ABCA8: variants seen among roughly 807,000 people sequenced by gnomAD.
ABCA8 encodes ATP binding cassette subfamily A member 8.
A neutral mutation model predicts 192.3 loss-of-function variants in ABCA8; 177 were observed. The observed-to-expected ratio is 0.92, with a 90% confidence interval of 0.81 to 1.04. The LOEUF (loss-of-function observed/expected upper bound fraction) is 1.04. ABCA8 is among the 50% of genes least tolerant of loss of function. ABCA8 has a pLI of 0.00. For missense variants in ABCA8, 1,915 were observed against 1,904.8 expected, an observed-to-expected ratio of 1.01 and a Z score of -0.10; for synonymous variants, 642 against 690.2, an observed-to-expected ratio of 0.93 and a Z score of 1.09.
At chr17:68,927,471 T>C (rs2067732154) in intron 10 of ABCA8, among the ~76,000 whole-genome samples, 1 of 152,180 alleles carries the variant, frequency 6.6e-6, no homozygotes, top group Non-Finnish European at 1.5e-5. Context: ...CGTAGATGCA[T>C]TGATTAATTA....
At chr17:68,904,530 A>G (rs1204522497) in intron 19 of ABCA8, among the ~76,000 whole-genome samples, 1 of 152,076 alleles carries the variant, frequency 6.6e-6, no homozygotes, top group Non-Finnish European at 1.5e-5. Context: ...ATCTTTAGGG[A>G]CATGGCAGAA....
In ABCA8 at chr17:68,903,547, T is replaced by C. The variant is rs778480927; in HGVS notation, c.2399-48A>G. 1.0e-5 allele frequency: 16 copies of C among 1,571,832 alleles called. No homozygotes were observed. In the African/African-American group the frequency reaches 1.9e-4, roughly 19 times the overall value. ...CTCATATGTACTTTATTGAGCTTAC[T>C]ATAGAGATTGGCTCTGCTAAGCATC... On this transcript the variant is annotated intron_variant, in intron 19 of 39. Transcript: ENST00000586539.
In ABCA8 at chr17:68,894,294, A is replaced by G; in HGVS notation, c.2915T>C (p.Leu972Ser). 6.2e-7 allele frequency: 1 copy of G among 1,608,850 alleles called. No individual in the cohort carries two copies. The highest frequency in any genetic ancestry group is 8.5e-7 in the Non-Finnish European group (1 of 1,178,698). The change falls in exon 23 of 40, where the codon TTA (leucine) becomes TCA (serine). Residue 972 changes from leucine to serine, a missense_variant. By Grantham distance (145) the Leu-to-Ser change is moderately radical (BLOSUM62 -2). Transcript: ENST00000586539. ...ATTCAATCTTTTGGCATTGCATGCT[A>G]ACGAAAAGCTGTAATTCTAAAATAT... ...CCNEKNYSFS[L>S]ACNAKRLNCF...
chr17:68,872,729 C>G (rs1030564244), intron 37 of ABCA8, among the ~76,000 whole-genome samples: 6 of 151,988 alleles, frequency 3.9e-5, no homozygotes, highest in Non-Finnish European at 7.4e-5. Context: ...GTTGATAATC[C>G]TGACTCTGTG....
chr17:68,934,335 A>G (rs1354837918), intron 5 of ABCA8, among the ~76,000 whole-genome samples: 5 of 152,120 alleles, frequency 3.3e-5, no homozygotes, highest in Admixed American at 2.6e-4. Flanking sequence ...AAAAATCTGT[A>G]TATATGTCTT....
intron 4 of ABCA8, among the ~76,000 whole-genome samples, 168 bp from the exon 5 acceptor site, chr17:68,937,283 A>T (rs2068093540): frequency 6.6e-6 from 1 of 152,134 alleles, no homozygotes; most frequent in Non-Finnish European, 1.5e-5. Flanking sequence ...AAATTTCTAA[A>T]GTTCCATCTA....
At chr17:68,939,678 G>C (rs1338878310) in intron 4 of ABCA8, among the ~76,000 whole-genome samples, 8 of 152,090 alleles carry the variant, frequency 5.3e-5, no homozygotes, top group African/African-American at 1.9e-4. Context: ...ATTTACTTCT[G>C]TTGGTGATAA....
chr17:68,887,041 G>T lies in ABCA8; in HGVS notation c.3405C>A (p.Gly1135=), dbSNP rs1191603084. 2 of 1,609,452 alleles carry T rather than the reference G, an allele frequency of 1.2e-6. No homozygotes were observed. The highest frequency in any genetic ancestry group is 2.2e-5 in the East Asian group (1 of 44,712). The part of the protein sequence containing the change: ...FIFRKGRKNS[G]IWSFCFYVVT... ...CAACATAGAAACAAAATGACCAAATGCCACTATTTTTTCTCCCCTTGCGAA... is the reference window on the plus strand; with the variant it reads ...CAACATAGAAACAAAATGACCAAATTCCACTATTTTTTCTCCCCTTGCGAA... The change falls in exon 26 of 40, where the codon GGC becomes GGA. Residue 1135 remains glycine, a synonymous_variant. Transcript: ENST00000586539.
At chr17:68,936,434 AT>A (rs1262696892) in intron 5 of ABCA8, among the ~76,000 whole-genome samples, 2 of 151,970 alleles carry the variant, frequency 1.3e-5, no homozygotes, top group African/African-American at 2.4e-5. Flanking sequence ...ATTGAAAAGG[AT>A]TTTTCCCCCA....
chr17:68,882,345 A>G (rs1041903655), intron 30 of ABCA8, among the ~76,000 whole-genome samples: 1 of 152,208 alleles, frequency 6.6e-6, no homozygotes, highest in African/African-American at 2.4e-5. Context: ...TTTCTCCAAC[A>G]AGCAATGATG....
chr17:68,928,023 G>A lies in ABCA8; in HGVS notation c.1166C>T (p.Pro389Leu), dbSNP rs541728939. The A allele has an allele frequency of 6.9e-6, 11 of 1,602,196 alleles. No individual in the cohort carries two copies. The highest frequency in any genetic ancestry group is 2.2e-5 in the East Asian group (1 of 44,486). The change falls in exon 10 of 40, where the codon CCT (proline) becomes CTT (leucine). Residue 389 changes from proline to leucine, a missense_variant. By Grantham distance (98) the Pro-to-Leu change is moderately conservative. Transcript: ENST00000586539. ...LDYDLNSNAF[P>L]HPSDGSNLIV... ...GAGATTTGAGCCGTCCGATGGATGA[G>A]GAAATGCATTAGAATTCAAATCATA...
At chr17:68,914,137 A>G (rs1013955657) in intron 17 of ABCA8, among the ~76,000 whole-genome samples, 3 of 152,142 alleles carry the variant, frequency 2.0e-5, no homozygotes, top group Non-Finnish European at 2.9e-5. Context: ...ATCTAGGTGT[A>G]GAAGGAACAT....
Position 68,945,601 on chromosome 17 carries a change from G to A in ABCA8, c.-5-3562C>T, listed in dbSNP as rs1474785757. On this transcript the variant is annotated intron_variant, in intron 2 of 39. Transcript: ENST00000586539. ...TATTTGTCAAGAGTACATGAAAGAT[G>A]TACTCTTTCATACATCTGAGTTTAT... is the stretch of plus-strand genomic sequence containing the variant. 2.0e-5 allele frequency among the ~76,000 whole-genome samples: 3 copies of A among 152,076 alleles called. No homozygotes were observed. The East Asian group carries it at 5.8e-4, about 29-fold the overall frequency.
intron 24 of ABCA8, among the ~76,000 whole-genome samples, chr17:68,887,925 T>TATATATATATATTATATATGGATA: frequency 3.0e-5 from 3 of 101,018 alleles, no homozygotes; most frequent in Admixed American, 1.1e-4. Context: ...TATATATATA[T>TATATATATATATTATATATGGATA]TATATATGGA....
intron 24 of ABCA8, among the ~76,000 whole-genome samples, chr17:68,890,521 A>T (rs1598207176): frequency 1.3e-5 from 2 of 152,004 alleles, no homozygotes; most frequent in East Asian, 3.9e-4. Context: ...TAAATTATTT[A>T]ATTAATTTAT....
intron 17 of ABCA8, among the ~76,000 whole-genome samples, chr17:68,909,132 T>C (rs923957818): frequency 3.3e-5 from 5 of 152,138 alleles, no homozygotes; most frequent in African/African-American, 7.2e-5. Context: ...TGGCCACTTG[T>C]AGGAACTTGT....
chr17:68,896,118 C>T (rs188892796), intron 21 of ABCA8, among the ~76,000 whole-genome samples: 1 of 128,258 alleles, frequency 7.8e-6, no homozygotes, highest in Non-Finnish European at 1.7e-5. Flanking sequence ...TGAAACTCTC[C>T]CTAAATAAAC....
chr17:68,872,610 A>G (rs2066091959), intron 37 of ABCA8, among the ~76,000 whole-genome samples: 1 of 151,610 alleles, frequency 6.6e-6, no homozygotes, highest in South Asian at 2.1e-4. Flanking sequence ...AATAAAAAAA[A>G]TAAAAAAAAA....
chr17:68,871,666 C>T (rs2066060412), intron 37 of ABCA8, among the ~76,000 whole-genome samples: 1 of 151,918 alleles, frequency 6.6e-6, no homozygotes, highest in African/African-American at 2.4e-5. Flanking sequence ...ATGTCATAAT[C>T]AATAATGGAC....
Sources: gnomAD v4.1 joint callset for allele counts (sites outside exome capture counted in the v4.1 genomes callset) on GRCh38, gnomAD v4.1.1 for gene constraint, MANE v1.5 for transcripts, NCBI Gene and HGNC (gene_info 2026-07-23, HGNC 2026-07-21) for gene names.